Variants in SOX5 observed in about 807,000 individuals in gnomAD.
The protein encoded by SOX5 is SRY-box transcription factor 5, also known as transcription factor SOX-5.
In SOX5, 9 loss-of-function variants were observed where a neutral mutation model predicts 92.0. The observed-to-expected ratio is 0.10, with a 90% CI of 0.06 to 0.17. SOX5 has a LOEUF of 0.17. Ranked by LOEUF, SOX5 falls within the 10% of genes least tolerant of loss-of-function variation. The probability of loss-of-function intolerance (pLI) is 1.00; values close to 1 mark genes in which losing one functional copy is unlikely to be tolerated. For missense variants in SOX5, 642 were observed against 944.5 expected, an observed-to-expected ratio of 0.68 and a Z score of 4.20; for synonymous variants, 344 against 336.3, an observed-to-expected ratio of 1.02 and a Z score of -0.25.
At chr12:23,977,068 A>AGTTCATAC (rs1949003561) in intron 4 of SOX5, among the ~76,000 whole-genome samples, 1 of 152,216 alleles carries the variant, frequency 6.6e-6, no homozygotes, top group Non-Finnish European at 1.5e-5. Context: ...AATATCATTA[A>AGTTCATAC]GTTCATACTT....
chr12:24,004,724 T>G (rs1951972825), intron 4 of SOX5, among the ~76,000 whole-genome samples: 1 of 152,080 alleles, frequency 6.6e-6, no homozygotes, highest in African/African-American at 2.4e-5. Flanking sequence ...CATAAACAGT[T>G]AAAAATAAAT....
upstream of SOX5, chr12:23,949,731 CCTCTCT>C (rs141363242): frequency 3.0e-3 from 2,212 of 748,160 alleles, 9 homozygotes; most frequent in Non-Finnish European, 3.8e-3. Context: ...TCCCTCCCTC[CCTCTCT>C]CTCTCTCTCT....
At chr12:23,731,477 T>A (rs1031157686) in intron 6 of SOX5, among the ~76,000 whole-genome samples, 8 of 152,224 alleles carry the variant, frequency 5.3e-5, no homozygotes, top group African/African-American at 1.9e-4. Context: ...AGTATGTAAA[T>A]GTTTGTGCAT....
At chr12:24,517,214 C>T (rs1342407139) in intron 1 of SOX5, among the ~76,000 whole-genome samples, 1 of 152,108 alleles carries the variant, frequency 6.6e-6, no homozygotes, top group Non-Finnish European at 1.5e-5. Flanking sequence ...TGCCTCTTGA[C>T]CAAAGAGGAA....
At chr12:23,869,853 T>G (rs1367982196) in intron 2 of SOX5, among the ~76,000 whole-genome samples, 1 of 152,164 alleles carries the variant, frequency 6.6e-6, no homozygotes, top group Non-Finnish European at 1.5e-5. Flanking sequence ...TCCATTCATC[T>G]GTAATACTCC....
chr12:23,589,545 C>CA (rs932275616), intron 9 of SOX5, among the ~76,000 whole-genome samples: 2 of 151,674 alleles, frequency 1.3e-5, no homozygotes, highest in Admixed American at 1.3e-4. Context: ...AGAACCAGGG[C>CA]AAAAAGAGGT....
intron 4 of SOX5, among the ~76,000 whole-genome samples, chr12:24,195,169 T>C (rs1042344741): frequency 6.6e-6 from 1 of 151,324 alleles, no homozygotes; most frequent in Non-Finnish European, 1.5e-5. Context: ...AAAATATTTC[T>C]AGGATCAGAT....
intron 3 of SOX5, among the ~76,000 whole-genome samples, chr12:23,821,932 TATATATATA>T (rs1373520598): frequency 0.47 from 70,436 of 151,254 alleles, 16,787 homozygotes; most frequent in East Asian, 0.84. Flanking sequence ...TATTCTCCGA[TATATATATA>T]TAGTTTGTAT....
At chr12:24,141,851 G>GA (rs995413562) in intron 4 of SOX5, among the ~76,000 whole-genome samples, 1 of 152,142 alleles carries the variant, frequency 6.6e-6, no homozygotes, top group African/African-American at 2.4e-5. Context: ...GGGGTATGGA[G>GA]AATGTAAATG....
At chr12:24,470,757 G>A (rs1944730666) in intron 1 of SOX5, among the ~76,000 whole-genome samples, 1 of 152,154 alleles carries the variant, frequency 6.6e-6, no homozygotes, top group African/African-American at 2.4e-5. Flanking sequence ...TTTACCAGGT[G>A]AGTAAACTTT....
intron 2 of SOX5, among the ~76,000 whole-genome samples, chr12:24,352,410 G>C (rs938124158): frequency 6.6e-6 from 1 of 152,158 alleles, no homozygotes; most frequent in African/African-American, 2.4e-5. Context: ...GGGCTTCAGT[G>C]GAGTCACAAC....
chr12:23,960,978 A>T (rs1028910539), intron 4 of SOX5, among the ~76,000 whole-genome samples: 2 of 152,086 alleles, frequency 1.3e-5, no homozygotes, highest in African/African-American at 4.8e-5. Context: ...ATGTGAAGCT[A>T]ATCTACTATG....
chr12:24,514,818 C>T (rs556346188), intron 1 of SOX5, among the ~76,000 whole-genome samples: 2 of 152,190 alleles, frequency 1.3e-5, no homozygotes, highest in South Asian at 2.1e-4. Context: ...AATCAAATAT[C>T]GCGTGTTCTC....
At chr12:23,755,005 T>C (rs995481479) in intron 4 of SOX5, among the ~76,000 whole-genome samples, 1 of 151,822 alleles carries the variant, frequency 6.6e-6, no homozygotes, top group Non-Finnish European at 1.5e-5. Context: ...TACTGTGTTT[T>C]GAGAAAACAT....
chr12:23,553,270 A>C (rs1211094539), intron 11 of SOX5, among the ~76,000 whole-genome samples: 1 of 152,094 alleles, frequency 6.6e-6, no homozygotes, highest in Non-Finnish European at 1.5e-5. Flanking sequence ...AATTACACTT[A>C]CAAATTCAGG....
intron 2 of SOX5, among the ~76,000 whole-genome samples, chr12:23,863,278 A>T (rs2096775890): frequency 6.6e-6 from 1 of 152,218 alleles, no homozygotes. Context: ...CTCAGATTGC[A>T]TTCAGAACCT....
At chr12:24,547,617 G>T (rs1952772054) in intron 1 of SOX5, among the ~76,000 whole-genome samples, 1 of 152,184 alleles carries the variant, frequency 6.6e-6, no homozygotes, top group South Asian at 2.1e-4. Flanking sequence ...TTATTATATA[G>T]CCTTGGGTTT....
intron 4 of SOX5, among the ~76,000 whole-genome samples, chr12:24,021,470 T>A (rs1954277446): frequency 6.6e-6 from 1 of 152,168 alleles, no homozygotes; most frequent in Admixed American, 6.6e-5. Context: ...TTAACGCTTT[T>A]CACCTTGTCC....
intron 3 of SOX5, among the ~76,000 whole-genome samples, chr12:23,829,494 A>G (rs558609639): frequency 2.6e-5 from 4 of 152,320 alleles, no homozygotes; most frequent in Admixed American, 6.5e-5. Flanking sequence ...GCTGTGGCAC[A>G]TAAGCAACAA....
Sources: gnomAD v4.1 joint callset for allele counts (sites outside exome capture counted in the v4.1 genomes callset) on GRCh38, gnomAD v4.1.1 for gene constraint, MANE v1.5 for transcripts, NCBI Gene and HGNC (gene_info 2026-07-23, HGNC 2026-07-21) for gene names.